Variants in LRP1B observed in about 807,000 individuals in gnomAD.
LRP1B encodes LDL receptor related protein 1B.
In LRP1B, 217 loss-of-function variants were observed where a neutral mutation model predicts 556.6. The ratio of observed to expected loss-of-function variants is 0.39; its 90% CI spans 0.35 to 0.44. The LOEUF (loss-of-function observed/expected upper bound fraction) is 0.44, where lower values mean the gene tolerates loss of function less well. LRP1B is among the 20% of genes least tolerant of loss of function. The pLI, the probability that LRP1B is intolerant of heterozygous loss-of-function variation, is 1.00. For missense variants in LRP1B, 5,053 were observed against 5,620.8 expected (o/e 0.90, Z 3.23); for synonymous variants, 2,047 against 1,865.8 (o/e 1.10, Z -2.50).
chr2:140,479,983 T>C (rs1006091512), intron 59 of LRP1B, among the ~76,000 whole-genome samples: 1 of 152,192 alleles, frequency 6.6e-6, no homozygotes, highest in African/African-American at 2.4e-5. Flanking sequence ...TCTCTGTAAC[T>C]ATAACCTCAT....
chr2:141,806,947 G>A (rs1053133874), intron 2 of LRP1B, among the ~76,000 whole-genome samples: 4 of 151,972 alleles, frequency 2.6e-5, no homozygotes, highest in African/African-American at 4.8e-5. Context: ...CTATTGCATC[G>A]GCTGTTTTTA....
chr2:141,517,506 A>C (rs1574037069), intron 2 of LRP1B, among the ~76,000 whole-genome samples: 1 of 152,332 alleles, frequency 6.6e-6, no homozygotes, highest in East Asian at 1.9e-4. Context: ...TTCTACATGC[A>C]ATACTGGACC....
At chr2:141,495,385 C>G (rs1683475958) in intron 2 of LRP1B, among the ~76,000 whole-genome samples, 1 of 152,078 alleles carries the variant, frequency 6.6e-6, no homozygotes, top group Non-Finnish European at 1.5e-5. Flanking sequence ...TCAACGGGAT[C>G]TGAAACAAGA....
chr2:141,310,848 A>G (rs1254356991), intron 3 of LRP1B, among the ~76,000 whole-genome samples: 2 of 152,168 alleles, frequency 1.3e-5, no homozygotes, highest in African/African-American at 4.8e-5. Context: ...AAAGAAAGTA[A>G]AATCTTATTA....
At chr2:140,363,219 G>T (rs1409619002) in intron 72 of LRP1B, among the ~76,000 whole-genome samples, 1 of 151,508 alleles carries the variant, frequency 6.6e-6, no homozygotes, top group Non-Finnish European at 1.5e-5. Flanking sequence ...GTCCTAATTA[G>T]CACAATTTCT....
At chr2:140,803,268 T>TTG (rs1236092506) in intron 32 of LRP1B, among the ~76,000 whole-genome samples, 7 of 124,080 alleles carry the variant, frequency 5.6e-5, no homozygotes, top group Non-Finnish European at 1.1e-4. Context: ...AAGTTTTTTT[T>TTG]TTTTTTTTTT....
intron 1 of LRP1B, among the ~76,000 whole-genome samples, chr2:141,923,498 A>T (rs1437552268): frequency 8.6e-6 from 1 of 116,234 alleles, no homozygotes. Context: ...AGAGAGAGGG[A>T]GGGAGGGGGA....
intron 3 of LRP1B, among the ~76,000 whole-genome samples, chr2:141,375,489 A>G (rs1689393723): frequency 6.6e-6 from 1 of 151,938 alleles, no homozygotes; most frequent in African/African-American, 2.4e-5. Flanking sequence ...CTGAGACCCA[A>G]GCAGTCCATG....
intron 83 of LRP1B, among the ~76,000 whole-genome samples, chr2:140,302,294 C>T (rs1208459156): frequency 6.6e-6 from 1 of 152,132 alleles, no homozygotes; most frequent in Non-Finnish European, 1.5e-5. Flanking sequence ...AAACTTCAGA[C>T]CTTCAATTTT....
intron 3 of LRP1B, among the ~76,000 whole-genome samples, chr2:141,399,226 G>A (rs951938550): frequency 4.0e-5 from 6 of 151,366 alleles, no homozygotes; most frequent in Admixed American, 1.3e-4. Flanking sequence ...ACCGTGCTCC[G>A]GCCTGGGAGA....
chr2:140,587,506 C>A (rs745497904), intron 43 of LRP1B, among the ~76,000 whole-genome samples: 6 of 152,040 alleles, frequency 3.9e-5, no homozygotes, highest in Non-Finnish European at 8.8e-5. Flanking sequence ...TGAGCTCACA[C>A]GTGGTATCTA....
At chr2:141,314,517 C>T (rs528581714) in intron 3 of LRP1B, among the ~76,000 whole-genome samples, 1 of 151,890 alleles carries the variant, frequency 6.6e-6, no homozygotes, top group Non-Finnish European at 1.5e-5. Context: ...TACGGCCGGG[C>T]GCGGTGGCTC....
In LRP1B at chr2:140,979,999, G is replaced by T. The variant is rs538281961; in HGVS notation, c.2887+2161C>A. On this transcript the variant is annotated intron_variant, in intron 18 of 90. Coordinates refer to ENST00000389484, the MANE Select transcript of LRP1B (RefSeq NM_018557.3). ...TCATAAAAGATATACAAGTTTGCTGGTATAGTTATTAGATTATTATATAAA... is the reference window on the plus strand; with the variant it reads ...TCATAAAAGATATACAAGTTTGCTGTTATAGTTATTAGATTATTATATAAA... 3.8e-4 allele frequency among the ~76,000 whole-genome samples: 58 copies of T among 151,732 alleles called. 1 individual carries two copies. The highest frequency in any genetic ancestry group is 1.2e-3 in the African/African-American group (48 of 41,340).
At chr2:141,034,329 C>T (rs1698465403) in intron 11 of LRP1B, among the ~76,000 whole-genome samples, 1 of 151,992 alleles carries the variant, frequency 6.6e-6, no homozygotes, top group South Asian at 2.1e-4. Flanking sequence ...ACACCAAAAG[C>T]AATGGCAACA....
At chr2:141,035,555 T>C (rs933299870) in intron 11 of LRP1B, among the ~76,000 whole-genome samples, 6 of 151,946 alleles carry the variant, frequency 3.9e-5, no homozygotes, top group African/African-American at 1.4e-4. Flanking sequence ...TGACAGATAT[T>C]TGGCAATTAT....
At chr2:141,609,492 T>A (rs1486419490) in intron 2 of LRP1B, among the ~76,000 whole-genome samples, 1 of 152,246 alleles carries the variant, frequency 6.6e-6, no homozygotes, top group Non-Finnish European at 1.5e-5. Context: ...TCAGCAAAGA[T>A]AATAAGTCAA....
intron 2 of LRP1B, among the ~76,000 whole-genome samples, chr2:141,614,098 A>AAAAAAAAAAAG (rs1553543037): frequency 2.0e-5 from 3 of 150,856 alleles, no homozygotes; most frequent in African/African-American, 4.9e-5. Flanking sequence ...AAAAAAAAAA[A>AAAAAAAAAAAG]AAAGAAAGAA....
intron 2 of LRP1B, among the ~76,000 whole-genome samples, chr2:141,554,216 CCT>C (rs1685874583): frequency 7.0e-6 from 1 of 143,302 alleles, no homozygotes; most frequent in African/African-American, 2.5e-5. Flanking sequence ...TAGGAATAGA[CCT>C]AGATATAGAT....
intron 2 of LRP1B, among the ~76,000 whole-genome samples, chr2:141,569,559 T>C (rs1686456015): frequency 6.6e-6 from 1 of 151,184 alleles, no homozygotes; most frequent in Admixed American, 6.6e-5. Context: ...ATGTCTCAAC[T>C]GTATTATTTG....
Sources: allele counts gnomAD v4.1 joint callset (sites outside exome capture counted in the v4.1 genomes callset), GRCh38; gene constraint gnomAD v4.1.1; transcripts MANE v1.5; gene names NCBI Gene and HGNC (gene_info 2026-07-23, HGNC 2026-07-21).